Variants in ENTREP2 observed in about 807,000 individuals in gnomAD.
ENTREP2 encodes protein ENTREP2.
the ENTREP2 span, among the ~76,000 whole-genome samples, chr15:29,333,198 C>T: frequency 6.6e-6 from 1 of 152,064 alleles, no homozygotes; most frequent in South Asian, 2.1e-4. Context: ...CCTGGGAAAC[C>T]AGGGAGAGGC....
chr15:29,215,706 A>G, the ENTREP2 span, among the ~76,000 whole-genome samples: 1 of 152,078 alleles, frequency 6.6e-6, no homozygotes, highest in East Asian at 1.9e-4. Flanking sequence ...TGTCTGATAT[A>G]AGAATAGCTA....
chr15:29,389,088 A>G, the ENTREP2 span, among the ~76,000 whole-genome samples: 2 of 151,962 alleles, frequency 1.3e-5, no homozygotes, highest in African/African-American at 4.8e-5. Context: ...CGTTGTGCAC[A>G]TGTACCCTAG....
the ENTREP2 span, among the ~76,000 whole-genome samples, chr15:29,119,227 G>A: frequency 6.6e-6 from 1 of 152,168 alleles, no homozygotes; most frequent in African/African-American, 2.4e-5. Context: ...AGAGAGCTGC[G>A]TATATGCCGA....
the ENTREP2 span, among the ~76,000 whole-genome samples, chr15:29,223,356 C>T: frequency 3.9e-5 from 6 of 152,272 alleles, no homozygotes; most frequent in East Asian, 9.7e-4. Context: ...TCCCGGCAGC[C>T]TCTGGGATTC....
chr15:29,656,755 A>C, the ENTREP2 span, among the ~76,000 whole-genome samples: 2 of 152,182 alleles, frequency 1.3e-5, no homozygotes, highest in African/African-American at 2.4e-5. Flanking sequence ...TGCTTGAAAG[A>C]AAGCAAAATG....
the ENTREP2 span, among the ~76,000 whole-genome samples, chr15:29,174,370 C>T: frequency 2.6e-5 from 4 of 152,196 alleles, no homozygotes; most frequent in African/African-American, 9.7e-5. Context: ...AAGAGACAAA[C>T]TGCCTTGTCC....
At chr15:29,588,859 C>T in the ENTREP2 span, among the ~76,000 whole-genome samples, 4 of 151,586 alleles carry the variant, frequency 2.6e-5, no homozygotes, top group Admixed American at 6.6e-5. Context: ...CATGGTGGGA[C>T]GCACCTGTAG....
the ENTREP2 span, among the ~76,000 whole-genome samples, chr15:29,270,827 T>C: frequency 6.6e-6 from 1 of 152,252 alleles, no homozygotes; most frequent in Admixed American, 6.5e-5. Flanking sequence ...GTTTCTTCTC[T>C]ATTTACTTGC....
chr15:29,447,306 G>C, the ENTREP2 span, among the ~76,000 whole-genome samples: 2 of 152,156 alleles, frequency 1.3e-5, no homozygotes, highest in East Asian at 3.9e-4. Context: ...GATGAGAACA[G>C]GCCCCTTCTA....
At chr15:29,117,888 C>CA in the ENTREP2 span, 3 of 151,962 alleles carry the variant, frequency 2.0e-5, no homozygotes, top group Non-Finnish European at 4.4e-5. Flanking sequence ...CCCACAGAGA[C>CA]AAGGAGGGCA....
At chr15:29,670,137 T>C in the ENTREP2 span, among the ~76,000 whole-genome samples, 2 of 152,222 alleles carry the variant, frequency 1.3e-5, no homozygotes, top group Non-Finnish European at 1.5e-5. Context: ...CATTTTAATC[T>C]AGGCTAAATG....
chr15:29,523,561 A>ATTT, the ENTREP2 span, among the ~76,000 whole-genome samples: 273 of 78,494 alleles, frequency 3.5e-3, 11 homozygotes, highest in Non-Finnish European at 5.7e-3. Context: ...TCCCAGCTAG[A>ATTT]TTTTTTTTTT....
chr15:29,347,151 T>A, the ENTREP2 span, among the ~76,000 whole-genome samples: 1 of 151,758 alleles, frequency 6.6e-6, no homozygotes, highest in African/African-American at 2.4e-5. Context: ...AACCATTTCC[T>A]GTCTCGTGTA....
chr15:29,158,999 A>G, the ENTREP2 span, among the ~76,000 whole-genome samples: 4 of 149,480 alleles, frequency 2.7e-5, no homozygotes, highest in African/African-American at 1.0e-4. Context: ...ACATACATAT[A>G]GCCTACACGT....
At chr15:29,370,916 C>T in the ENTREP2 span, among the ~76,000 whole-genome samples, 1 of 151,826 alleles carries the variant, frequency 6.6e-6, no homozygotes, top group East Asian at 1.9e-4. Context: ...ACACTAAGAA[C>T]AGATTTAAAA....
chr15:29,651,722 G>A, the ENTREP2 span, among the ~76,000 whole-genome samples: 7 of 152,222 alleles, frequency 4.6e-5, no homozygotes, highest in Non-Finnish European at 7.3e-5. Context: ...TACACACTCG[G>A]GGCAGCACCG....
the ENTREP2 span, among the ~76,000 whole-genome samples, chr15:29,540,820 T>C: frequency 6.6e-6 from 1 of 152,192 alleles, no homozygotes; most frequent in African/African-American, 2.4e-5. Flanking sequence ...TTAATACCAC[T>C]GGAATTTTAA....
At chr15:29,327,984 T>C in the ENTREP2 span, among the ~76,000 whole-genome samples, 5 of 152,226 alleles carry the variant, frequency 3.3e-5, no homozygotes, top group South Asian at 2.1e-4. Context: ...CTGCATGTGA[T>C]TGTTTATAGC....
the ENTREP2 span, among the ~76,000 whole-genome samples, chr15:29,308,751 C>A: frequency 6.6e-6 from 1 of 152,190 alleles, no homozygotes; most frequent in Non-Finnish European, 1.5e-5. Flanking sequence ...GGAGCTCTGG[C>A]ATACTGTTTT....
Sources: allele counts gnomAD v4.1 joint callset (sites outside exome capture counted in the v4.1 genomes callset), GRCh38; gene constraint gnomAD v4.1.1; transcripts MANE v1.5; gene names NCBI Gene and HGNC (gene_info 2026-07-23, HGNC 2026-07-21).